ZCCHC7: variants seen among roughly 807,000 people sequenced by gnomAD.
ZCCHC7 encodes zinc finger CCHC domain-containing protein 7.
Under a neutral mutation model 52.0 loss-of-function variants are expected in ZCCHC7, and 35 were observed. The ratio of observed to expected loss-of-function variants is 0.67; its 90% CI spans 0.51 to 0.89. The LOEUF (loss-of-function observed/expected upper bound fraction) is 0.89. Ranked by LOEUF, ZCCHC7 falls within the 40% of genes least tolerant of loss-of-function variation. ZCCHC7 has a pLI of 0.00. For missense variants in ZCCHC7, 574 were observed against 649.1 expected, an observed-to-expected ratio of 0.88 and a Z score of 1.26; for synonymous variants, 217 against 221.5, an observed-to-expected ratio of 0.98 and a Z score of 0.18.
At chr9:37,120,724 C>G (rs1213045211) in intron 1 of ZCCHC7, 101 bp downstream of exon 1, 3 of 361,682 alleles carry the variant, frequency 8.3e-6, no homozygotes, top group Non-Finnish European at 1.5e-5. Context: ...TGCCCCCTCG[C>G]CGGCCTCGAC....
chr9:37,332,944 T>C (rs2118291485), intron 6 of ZCCHC7, among the ~76,000 whole-genome samples: 1 of 151,752 alleles, frequency 6.6e-6, no homozygotes, highest in Non-Finnish European at 1.5e-5. Context: ...GATTTGGGTG[T>C]AATTTTTATT....
chr9:37,246,903 A>G (rs930628867), intron 2 of ZCCHC7, among the ~76,000 whole-genome samples: 4 of 152,150 alleles, frequency 2.6e-5, no homozygotes, highest in African/African-American at 9.7e-5. Context: ...GATGATTACC[A>G]TATGTATTAC....
chr9:37,142,829 C>G (rs1258445631), intron 2 of ZCCHC7, among the ~76,000 whole-genome samples: 1 of 151,670 alleles, frequency 6.6e-6, no homozygotes, highest in Non-Finnish European at 1.5e-5. Flanking sequence ...TTCTAGTATT[C>G]AGCACATCAA....
chr9:37,277,773 T>C (rs1827750914), intron 2 of ZCCHC7, among the ~76,000 whole-genome samples: 1 of 152,158 alleles, frequency 6.6e-6, no homozygotes, highest in African/African-American at 2.4e-5. Flanking sequence ...GTTCTGCATA[T>C]AAATGATTGT....
At chr9:37,283,931 A>T (rs890315953) in intron 2 of ZCCHC7, among the ~76,000 whole-genome samples, 11 of 145,660 alleles carry the variant, frequency 7.6e-5, no homozygotes, top group African/African-American at 2.5e-4. Flanking sequence ...TGAGCTGCTT[A>T]TTTTTTTTTT....
At chr9:37,290,941 A>G (rs1828507414) in intron 2 of ZCCHC7, among the ~76,000 whole-genome samples, 1 of 152,256 alleles carries the variant, frequency 6.6e-6, no homozygotes, top group Non-Finnish European at 1.5e-5. Flanking sequence ...AAAAAACAGA[A>G]GAATGATGAA....
chr9:37,261,962 C>T (rs1004980312), intron 2 of ZCCHC7, among the ~76,000 whole-genome samples: 6 of 151,972 alleles, frequency 3.9e-5, no homozygotes, highest in East Asian at 1.9e-4. Flanking sequence ...TTGTTTTATC[C>T]GCACACTCAT....
At chr9:37,256,336 C>A (rs1826585767) in intron 2 of ZCCHC7, among the ~76,000 whole-genome samples, 1 of 152,168 alleles carries the variant, frequency 6.6e-6, no homozygotes, top group South Asian at 2.1e-4. Context: ...TGGTTCCTTT[C>A]AGTGTCCCTT....
intron 2 of ZCCHC7, among the ~76,000 whole-genome samples, chr9:37,223,831 A>T (rs142212601): frequency 6.6e-6 from 1 of 152,226 alleles, no homozygotes; most frequent in South Asian, 2.1e-4. Flanking sequence ...ATTGACAGTG[A>T]CTGAACAAAT....
In ZCCHC7 at chr9:37,201,012, A is replaced by C. The variant is rs531307083; in HGVS notation, c.610+74070A>C. On this transcript the variant is annotated intron_variant, in intron 2 of 8. Coordinates refer to ENST00000336755, the MANE Select transcript of ZCCHC7 (RefSeq NM_032226.3). Reference sequence around the variant, plus strand: ...GTGGAGGGAGAGCACTAATGGGTAGAAACTCTCCTGTGTAACAGGGGCTAT... The same window carrying C: ...GTGGAGGGAGAGCACTAATGGGTAGCAACTCTCCTGTGTAACAGGGGCTAT... 5.9e-5 allele frequency among the ~76,000 whole-genome samples: 9 copies of C among 152,380 alleles called. No individual in the cohort carries two copies. The East Asian group carries it at 1.7e-3, about 29-fold the overall frequency.
intron 2 of ZCCHC7, among the ~76,000 whole-genome samples, chr9:37,130,205 TC>T (rs532098456): frequency 1.0e-3 from 144 of 142,660 alleles, no homozygotes; most frequent in African/African-American, 3.7e-3. Context: ...ACCATTGCAC[TC>T]CAGCCTGGGT....
intron 7 of ZCCHC7, among the ~76,000 whole-genome samples, chr9:37,351,140 G>A (rs1405839442): frequency 6.6e-6 from 1 of 152,102 alleles, no homozygotes; most frequent in African/African-American, 2.4e-5. Flanking sequence ...CCATATTGGG[G>A]CAGCAGCAAC....
At position 37,155,187 on chromosome 9, in the gene ZCCHC7, T is replaced by C. The variant is rs541811814; in HGVS notation, c.610+28245T>C. On this transcript the variant is annotated intron_variant, in intron 2 of 8. Transcript: ENST00000336755. ...CATCCTGGCTAACACAGTGAAACCC[T>C]GTCTCTACTAAAAATACAAAAAAAT... Among the ~76,000 whole-genome samples the C allele has an allele frequency of 5.3e-5, 8 of 151,984 alleles. No individual in the cohort carries two copies. In the East Asian group the frequency reaches 5.8e-4, roughly 11 times the overall value.
At chr9:37,205,201 C>T (rs577330274) in intron 2 of ZCCHC7, 6 of 376,942 alleles carry the variant, frequency 1.6e-5, no homozygotes, top group East Asian at 7.4e-5. Context: ...ATGCCAACAG[C>T]GTGCAGGGTA....
At chr9:37,240,714 A>G (rs896276638) in intron 2 of ZCCHC7, among the ~76,000 whole-genome samples, 2 of 151,926 alleles carry the variant, frequency 1.3e-5, no homozygotes, top group Non-Finnish European at 2.9e-5. Flanking sequence ...AAGCAGCAGG[A>G]GTAGCAAAGG....
Position 37,258,757 on chromosome 9 carries a change from TAAAA to T in ZCCHC7, c.611-43406_611-43403del, listed in dbSNP as rs5897683. ...GGTGAGAGAGCGAGATCCTGTCTCTTAAAAAAAAAAAAAAAAAAAAAAAAAAAAG... is the reference window on the plus strand; with the variant it reads ...GGTGAGAGAGCGAGATCCTGTCTCTTAAAAAAAAAAAAAAAAAAAAAAAAG... On this transcript the variant is annotated intron_variant, in intron 2 of 8. Transcript: ENST00000336755. 1.0e-3 allele frequency among the ~76,000 whole-genome samples: 57 copies of T among 55,366 alleles called. 1 individual carries two copies. The highest frequency in any genetic ancestry group is 4.6e-3 in the African/African-American group (54 of 11,626). 36.3% of individuals were successfully genotyped at this position (55,366 alleles called of 152,430 possible).
intron 2 of ZCCHC7, among the ~76,000 whole-genome samples, chr9:37,255,386 A>G (rs1826537458): frequency 6.6e-6 from 1 of 152,088 alleles, no homozygotes; most frequent in African/African-American, 2.4e-5. Flanking sequence ...GATGGCTACT[A>G]GGTGACTTAC....
At chr9:37,255,597 C>T (rs890656912) in intron 2 of ZCCHC7, among the ~76,000 whole-genome samples, 7 of 151,980 alleles carry the variant, frequency 4.6e-5, no homozygotes, top group African/African-American at 1.7e-4. Context: ...ATGAACCCAC[C>T]GATAATGGAA....
chr9:37,139,881 G>T (rs1485082257), intron 2 of ZCCHC7, among the ~76,000 whole-genome samples: 1 of 151,864 alleles, frequency 6.6e-6, no homozygotes, highest in East Asian at 1.9e-4. Context: ...TCTATCATAG[G>T]GAGGGAAAGC....
Sources: allele counts gnomAD v4.1 joint callset (sites outside exome capture counted in the v4.1 genomes callset), GRCh38; gene constraint gnomAD v4.1.1; transcripts MANE v1.5; gene names NCBI Gene and HGNC (gene_info 2026-07-23, HGNC 2026-07-21).